The following CELF2 variants were observed in gnomAD, a reference collection of about 807,000 sequenced individuals.
CELF2 encodes the protein CUG triplet repeat RNA-binding protein 2.
In CELF2, 8 loss-of-function variants were observed where a neutral mutation model predicts 62.6. That is an observed-to-expected ratio of 0.13 (90% CI 0.07 to 0.23). CELF2 has a LOEUF of 0.23. Among genes scored for constraint, CELF2 ranks in the 10% least tolerant of loss-of-function variants. The pLI, the probability that CELF2 is intolerant of heterozygous loss-of-function variation, is 1.00. For missense variants in CELF2, 333 were observed against 671.0 expected, an observed-to-expected ratio of 0.50 and a Z score of 5.56; for synonymous variants, 258 against 250.0, an observed-to-expected ratio of 1.03 and a Z score of -0.30.
At chr10:10,462,960 G>A in the CELF2 span, among the ~76,000 whole-genome samples, 3 of 151,962 alleles carry the variant, frequency 2.0e-5, no homozygotes, top group African/African-American at 7.2e-5. Flanking sequence ...GGGATGTTAC[G>A]GGTTTTAATA....
At chr10:11,162,617 GA>G (rs535088844) in intron 1 of CELF2, among the ~76,000 whole-genome samples, 2 of 150,950 alleles carry the variant, frequency 1.3e-5, no homozygotes, top group South Asian at 2.1e-4. Flanking sequence ...TGGGGGGGGT[GA>G]AAAAAATGTA....
chr10:10,746,506 T>G, the CELF2 span, among the ~76,000 whole-genome samples: 1 of 152,204 alleles, frequency 6.6e-6, no homozygotes. Context: ...TTTTAGAAGC[T>G]TAAGGAAATC....
At chr10:11,164,462 G>T (rs1414424381) in intron 1 of CELF2, among the ~76,000 whole-genome samples, 1 of 152,170 alleles carries the variant, frequency 6.6e-6, no homozygotes, top group Non-Finnish European at 1.5e-5. Context: ...AAAGCTTATG[G>T]TTGTGCTCTC....
At position 11,332,937 on chromosome 10, in the gene CELF2, C is replaced by T. The variant is rs751198130; in HGVS notation, c.*3884C>T. The stretch of plus-strand genomic sequence containing the variant: ...TTGCACCTGTCTCTCTCTGAGAACA[C>T]GGTGTGTCTCGACACGTACCACGTA... On this transcript the variant is annotated 3_prime_UTR_variant, in exon 13 of 13. Coordinates refer to ENST00000633077, the MANE Select transcript of CELF2 (RefSeq NM_001326342.2). 4 of 152,652 alleles carry T rather than the reference C, an allele frequency of 2.6e-5. No homozygotes were observed. The highest frequency in any genetic ancestry group is 5.9e-5 in the Non-Finnish European group (4 of 68,046). 9.5% of individuals were successfully genotyped at this position (152,652 alleles called of 1,614,324 possible).
chr10:11,025,233 GTGTGTGTA>G (rs1016345932), intron 1 of CELF2, among the ~76,000 whole-genome samples: 9 of 43,614 alleles, frequency 2.1e-4, no homozygotes, highest in African/African-American at 3.5e-4. Flanking sequence ...GTGTGTGTGT[GTGTGTGTA>G]TATGTATGTG....
At chr10:10,557,137 G>T in the CELF2 span, among the ~76,000 whole-genome samples, 109 of 139,476 alleles carry the variant, frequency 7.8e-4, no homozygotes, top group African/African-American at 2.9e-3. Context: ...GTAATGCCTA[G>T]GTTTTCTTCT....
chr10:11,322,644 T>G (rs75669541), intron 11 of CELF2, among the ~76,000 whole-genome samples: 92,330 of 150,510 alleles, frequency 0.61, 29,737 homozygotes, highest in Non-Finnish European at 0.72. Flanking sequence ...CATGGTTTTT[T>G]TTTTTTTTTT....
chr10:11,105,037 CT>C (rs998995103), intron 1 of CELF2, among the ~76,000 whole-genome samples: 1 of 152,216 alleles, frequency 6.6e-6, no homozygotes, highest in African/African-American at 2.4e-5. Flanking sequence ...GGCCAAGCAT[CT>C]TTTTTTCCAA....
intron 2 of CELF2, among the ~76,000 whole-genome samples, chr10:10,984,301 G>A (rs1348826287): frequency 6.6e-6 from 1 of 152,140 alleles, no homozygotes; most frequent in Non-Finnish European, 1.5e-5. Flanking sequence ...ACTAAACGAA[G>A]TGTTGATGGT....
chr10:11,033,247 T>A (rs987008871), intron 1 of CELF2, among the ~76,000 whole-genome samples: 2 of 139,928 alleles, frequency 1.4e-5, no homozygotes, highest in Admixed American at 1.5e-4. Context: ...ACTGTCTCAA[T>A]GTTCAGGGCA....
At chr10:10,755,161 CTCTA>C in the CELF2 span, among the ~76,000 whole-genome samples, 1 of 152,158 alleles carries the variant, frequency 6.6e-6, no homozygotes, top group Non-Finnish European at 1.5e-5. Context: ...CATAAAAAAT[CTCTA>C]TCTTAGTAGA....
chr10:10,919,969 C>T (rs1056957460), exon 2 of CELF2: 11 of 1,231,342 alleles, frequency 8.9e-6, no homozygotes, highest in African/African-American at 6.2e-5. Context: ...TGCAGAGAGA[C>T]GGCCACAGAG....
the CELF2 span, among the ~76,000 whole-genome samples, chr10:10,724,374 A>T: frequency 6.6e-6 from 1 of 152,082 alleles, no homozygotes; most frequent in Admixed American, 6.6e-5. Flanking sequence ...CAGGCCTGTA[A>T]TCCCAGCATG....
chr10:10,721,718 G>C, the CELF2 span, among the ~76,000 whole-genome samples: 1 of 151,982 alleles, frequency 6.6e-6, no homozygotes, highest in African/African-American at 2.4e-5. Context: ...CATTCCATAC[G>C]TGGCTTCTCT....
chr10:10,506,248 T>C, the CELF2 span, among the ~76,000 whole-genome samples: 1 of 150,432 alleles, frequency 6.6e-6, no homozygotes, highest in Non-Finnish European at 1.5e-5. Context: ...CCAGCTCTCA[T>C]CAAATTCTTA....
At chr10:11,154,212 G>A (rs1470804173) in intron 1 of CELF2, among the ~76,000 whole-genome samples, 2 of 152,202 alleles carry the variant, frequency 1.3e-5, no homozygotes, top group Admixed American at 6.5e-5. Flanking sequence ...CTGATGGTGT[G>A]TGTTTTAAGA....
chr10:11,025,992 T>A (rs1309034030), intron 1 of CELF2, among the ~76,000 whole-genome samples: 1 of 152,234 alleles, frequency 6.6e-6, no homozygotes, highest in Non-Finnish European at 1.5e-5. Flanking sequence ...TCCTTGGATC[T>A]GGGGGCTTCT....
the CELF2 span, among the ~76,000 whole-genome samples, chr10:10,737,163 C>T: frequency 6.6e-6 from 1 of 152,136 alleles, no homozygotes. Context: ...TTGTTGGTCT[C>T]ATCTAACTAT....
chr10:10,523,889 TC>T, the CELF2 span, among the ~76,000 whole-genome samples: 15 of 152,322 alleles, frequency 9.8e-5, 1 homozygote, highest in Non-Finnish European at 1.0e-4. Flanking sequence ...GCTTGATCAC[TC>T]AAAACAACGA....
Sources: allele counts gnomAD v4.1 joint callset (sites outside exome capture counted in the v4.1 genomes callset), GRCh38; gene constraint gnomAD v4.1.1; transcripts MANE v1.5; gene names NCBI Gene and HGNC (gene_info 2026-07-23, HGNC 2026-07-21).